GRIP1: variants seen among roughly 807,000 people sequenced by gnomAD.
The protein encoded by GRIP1 is glutamate receptor interacting protein 1, also known as glutamate receptor-interacting protein 1.
A neutral mutation model predicts 129.9 loss-of-function variants in GRIP1; 45 were observed. The observed-to-expected ratio is 0.35, with a 90% CI of 0.27 to 0.44. GRIP1 has a LOEUF of 0.44. Among genes scored for constraint, GRIP1 ranks in the 20% least tolerant of loss-of-function variants. GRIP1 has a pLI of 1.00. For synonymous variants in GRIP1, 530 were observed against 520.8 expected (o/e 1.02, Z -0.24); for missense variants, 1,196 against 1,396.8 (o/e 0.86, Z 2.29).
intron 1 of GRIP1, among the ~76,000 whole-genome samples, chr12:67,049,710 C>A: frequency 6.7e-6 from 1 of 150,266 alleles, no homozygotes; most frequent in African/African-American, 2.4e-5. Flanking sequence ...CACATGTATC[C>A]CAGAACTTAA....
At chr12:66,422,818 G>A (rs529190873) in intron 14 of GRIP1, among the ~76,000 whole-genome samples, 3 of 152,204 alleles carry the variant, frequency 2.0e-5, no homozygotes, top group South Asian at 2.1e-4. Flanking sequence ...TAATGGACTC[G>A]ATAGGGTGGA....
chr12:66,597,723 G>C (rs2064111550), intron 1 of GRIP1, among the ~76,000 whole-genome samples: 1 of 152,136 alleles, frequency 6.6e-6, no homozygotes, highest in Admixed American at 6.6e-5. Context: ...CAAGATCATG[G>C]AGACAATGGG....
chr12:66,940,094 T>A (rs920862593), intron 1 of GRIP1, among the ~76,000 whole-genome samples: 5 of 152,172 alleles, frequency 3.3e-5, no homozygotes, highest in African/African-American at 1.2e-4. Context: ...GGTTTTTTTT[T>A]AATCATCTCT....
intron 1 of GRIP1, among the ~76,000 whole-genome samples, chr12:66,941,090 G>A (rs2041577115): frequency 6.6e-6 from 1 of 151,870 alleles, no homozygotes. Context: ...GAATGTGCAG[G>A]AAATGAAAAA....
chr12:67,054,633 G>A (rs1453877208), intron 1 of GRIP1, among the ~76,000 whole-genome samples: 3 of 152,036 alleles, frequency 2.0e-5, no homozygotes, highest in Non-Finnish European at 4.4e-5. Context: ...CCATGGTGGT[G>A]CGCACCTGTA....
rs562589272 is a variant in GRIP1, at chr12:66,571,551, T to C, written c.136+25296A>G. 6.6e-5 allele frequency among the ~76,000 whole-genome samples: 10 copies of C among 152,308 alleles called. 1 individual carries two copies. The highest frequency in any genetic ancestry group is 2.2e-4 in the African/African-American group (9 of 41,570). Reference sequence around the variant, plus strand: ...AGTCTGAATATAATACCCACTCTTGTTGTCAAGCACAAACAGAAAAGAGTA... The same window carrying C: ...AGTCTGAATATAATACCCACTCTTGCTGTCAAGCACAAACAGAAAAGAGTA... On this transcript the variant is annotated intron_variant, in intron 2 of 24. Transcript: ENST00000359742.
intron 1 of GRIP1, among the ~76,000 whole-genome samples, chr12:66,883,401 A>C (rs1057272257): frequency 6.6e-6 from 1 of 152,192 alleles, no homozygotes; most frequent in Non-Finnish European, 1.5e-5. Context: ...TGCTCAATAA[A>C]TCTATATTGA....
At chr12:66,613,459 G>C (rs1385861375) in intron 1 of GRIP1, among the ~76,000 whole-genome samples, 1 of 152,038 alleles carries the variant, frequency 6.6e-6, no homozygotes, top group Non-Finnish European at 1.5e-5. Context: ...GTTCAGTTCA[G>C]AATTTTAATT....
intron 23 of GRIP1, among the ~76,000 whole-genome samples, chr12:66,360,410 T>A (rs2137153842): frequency 6.6e-6 from 1 of 152,106 alleles, no homozygotes; most frequent in East Asian, 1.9e-4. Context: ...AAAGCAAAAT[T>A]TTTCTTGTAG....
intron 1 of GRIP1, among the ~76,000 whole-genome samples, chr12:66,947,708 A>G (rs2041694277): frequency 6.6e-6 from 1 of 152,216 alleles, no homozygotes; most frequent in African/African-American, 2.4e-5. Flanking sequence ...AAGAATTCTA[A>G]CCAAAATTTT....
chr12:66,573,059 T>TATGTATATATGTCGGCATATATATG (rs1257931776), intron 2 of GRIP1, among the ~76,000 whole-genome samples: 11 of 151,480 alleles, frequency 7.3e-5, no homozygotes, highest in African/African-American at 2.7e-4. Context: ...ACATATAACA[T>TATGTATATATGTCGGCATATATATG]ATGTATATAT....
chr12:66,888,063 T>C (rs530765587), intron 1 of GRIP1, among the ~76,000 whole-genome samples: 1 of 152,246 alleles, frequency 6.6e-6, no homozygotes, highest in Admixed American at 6.5e-5. Flanking sequence ...TTTATTTTAT[T>C]TTATTTTATT....
intron 23 of GRIP1, among the ~76,000 whole-genome samples, chr12:66,366,208 G>A (rs989015751): frequency 6.6e-6 from 1 of 152,224 alleles, no homozygotes; most frequent in African/African-American, 2.4e-5. Flanking sequence ...CTTGAGAGCT[G>A]ACTCCAAATA....
chr12:66,583,711 C>T (rs75167787), intron 2 of GRIP1, among the ~76,000 whole-genome samples: 140 of 125,882 alleles, frequency 1.1e-3, no homozygotes, highest in Middle Eastern at 7.7e-3. Flanking sequence ...CAGTGATATA[C>T]CATCTCACAC....
At chr12:66,381,493 G>A (rs2056107895) in intron 19 of GRIP1, among the ~76,000 whole-genome samples, 1 of 152,164 alleles carries the variant, frequency 6.6e-6, no homozygotes, top group Non-Finnish European at 1.5e-5. Context: ...AGAGTTTGGG[G>A]AAGCCTGTAC....
intron 1 of GRIP1, among the ~76,000 whole-genome samples, chr12:66,974,424 T>C (rs1424688060): frequency 6.6e-6 from 1 of 152,216 alleles, no homozygotes; most frequent in Non-Finnish European, 1.5e-5. Flanking sequence ...AACTAGAATA[T>C]AAGCTTCATG....
intron 1 of GRIP1, among the ~76,000 whole-genome samples, chr12:66,944,519 A>T (rs563211105): frequency 9.7e-4 from 147 of 152,046 alleles, no homozygotes; most frequent in African/African-American, 3.4e-3. Flanking sequence ...GCAGTGAAGA[A>T]AACGTGGGGG....
At chr12:66,581,436 A>G (rs962967944) in intron 2 of GRIP1, among the ~76,000 whole-genome samples, 2 of 150,320 alleles carry the variant, frequency 1.3e-5, no homozygotes, top group African/African-American at 4.9e-5. Context: ...GAGACACAAA[A>G]AACCCTTCAA....
intron 7 of GRIP1, among the ~76,000 whole-genome samples, chr12:66,512,283 A>G (rs61925952): frequency 0.094 from 14,238 of 152,182 alleles, 830 homozygotes; most frequent in Non-Finnish European, 0.13. Context: ...TTGGAACTCG[A>G]TAACAGGCAG....
Sources: gnomAD v4.1 joint callset for allele counts (sites outside exome capture counted in the v4.1 genomes callset) on GRCh38, gnomAD v4.1.1 for gene constraint, MANE v1.5 for transcripts, NCBI Gene and HGNC (gene_info 2026-07-23, HGNC 2026-07-21) for gene names.